DNAJC1: variants seen among roughly 807,000 people sequenced by gnomAD.
DNAJC1 encodes dnaJ homolog subfamily C member 1.
A neutral mutation model predicts 76.6 loss-of-function variants in DNAJC1; 58 were observed. The ratio of observed to expected loss-of-function variants is 0.76; its 90% CI spans 0.61 to 0.94. The LOEUF is 0.94. DNAJC1 is among the 40% of genes least tolerant of loss of function. DNAJC1 has a pLI of 0.00. For missense variants in DNAJC1, 689 were observed against 677.3 expected, an observed-to-expected ratio of 1.02 and a Z score of -0.19; for synonymous variants, 258 against 267.9, an observed-to-expected ratio of 0.96 and a Z score of 0.36.
At chr10:21,818,746 G>C (rs893323758) in intron 8 of DNAJC1, among the ~76,000 whole-genome samples, 4 of 152,146 alleles carry the variant, frequency 2.6e-5, no homozygotes. Flanking sequence ...AAATGAGTAA[G>C]ACCCAACTTT....
intron 3 of DNAJC1, among the ~76,000 whole-genome samples, chr10:21,923,285 A>C (rs1344517677): frequency 6.6e-6 from 1 of 151,994 alleles, no homozygotes; most frequent in South Asian, 2.1e-4. Flanking sequence ...AGCTTCCATT[A>C]TAGTTCATTT....
intron 8 of DNAJC1, among the ~76,000 whole-genome samples, chr10:21,875,346 C>T (rs1284832927): frequency 6.6e-6 from 1 of 152,076 alleles, no homozygotes; most frequent in Non-Finnish European, 1.5e-5. Flanking sequence ...TGTAGAGATG[C>T]AGTCTTCCTA....
chr10:21,868,696 G>A (rs185446603), intron 8 of DNAJC1, among the ~76,000 whole-genome samples: 1 of 151,888 alleles, frequency 6.6e-6, no homozygotes, highest in African/African-American at 2.4e-5. Context: ...GGTGAGTAGG[G>A]GATAGGTATG....
chr10:21,942,679 G>T (rs1837435543), intron 1 of DNAJC1, among the ~76,000 whole-genome samples: 1 of 151,670 alleles, frequency 6.6e-6, no homozygotes, highest in Admixed American at 6.6e-5. Flanking sequence ...GGCGGCGTGT[G>T]CCAGTAGTCC....
intron 8 of DNAJC1, among the ~76,000 whole-genome samples, chr10:21,867,024 A>G (rs151102053): frequency 1.3e-4 from 20 of 152,266 alleles, no homozygotes; most frequent in African/African-American, 4.3e-4. Flanking sequence ...TGCTGATCCT[A>G]GAGGGACATT....
intron 9 of DNAJC1, among the ~76,000 whole-genome samples, chr10:21,777,331 T>C (rs895227361): frequency 3.3e-5 from 5 of 152,180 alleles, no homozygotes; most frequent in Non-Finnish European, 4.4e-5. Context: ...ATAGGAGATA[T>C]AGAAAGAAAA....
At chr10:21,887,483 A>G (rs1481818044) in intron 7 of DNAJC1, among the ~76,000 whole-genome samples, 1 of 152,188 alleles carries the variant, frequency 6.6e-6, no homozygotes, top group Non-Finnish European at 1.5e-5. Context: ...CCTTACTTCA[A>G]ACAATACTAC....
At chr10:21,917,162 T>C (rs1262514503) in intron 6 of DNAJC1, among the ~76,000 whole-genome samples, 1 of 152,042 alleles carries the variant, frequency 6.6e-6, no homozygotes, top group Non-Finnish European at 1.5e-5. Flanking sequence ...CTAAAAAGTT[T>C]CTGTAAAATT....
At chr10:21,784,799 G>T (rs867540268) in intron 9 of DNAJC1, among the ~76,000 whole-genome samples, 6 of 151,862 alleles carry the variant, frequency 4.0e-5, no homozygotes, top group South Asian at 2.1e-4. Context: ...CTATCGCAAG[G>T]ACAGAAAACC....
chr10:21,865,119 A>G (rs1835977174), intron 8 of DNAJC1, among the ~76,000 whole-genome samples: 1 of 152,130 alleles, frequency 6.6e-6, no homozygotes, highest in South Asian at 2.1e-4. Flanking sequence ...TGCTGGTGGG[A>G]ATGTAAAAAT....
chr10:21,814,091 C>G (rs1835035817), intron 8 of DNAJC1, among the ~76,000 whole-genome samples: 1 of 152,184 alleles, frequency 6.6e-6, no homozygotes, highest in Admixed American at 6.5e-5. Context: ...CTTCCTCTTT[C>G]TGAATGAGGG....
chr10:21,983,284 A>G (rs1838187024), intron 1 of DNAJC1, among the ~76,000 whole-genome samples: 1 of 152,278 alleles, frequency 6.6e-6, no homozygotes, highest in Non-Finnish European at 1.5e-5. Flanking sequence ...GCCTTAAAAA[A>G]GAATGAAAAT....
chr10:21,844,964 C>T (rs1835631644), intron 8 of DNAJC1, among the ~76,000 whole-genome samples: 1 of 152,198 alleles, frequency 6.6e-6, no homozygotes, highest in Admixed American at 6.5e-5. Flanking sequence ...CAGGAGGTGC[C>T]ACTGCTTGGC....
At chr10:21,882,557 T>C (rs1791258219) in intron 7 of DNAJC1, 118 bp from the exon 8 acceptor site, 9 of 687,730 alleles carry the variant, frequency 1.3e-5, no homozygotes, top group Non-Finnish European at 2.0e-5. Context: ...TGTTCTGTTA[T>C]AAATAATTGG....
chr10:21,861,780 A>G (rs1388244287), intron 8 of DNAJC1, among the ~76,000 whole-genome samples: 1 of 152,136 alleles, frequency 6.6e-6, no homozygotes, highest in Non-Finnish European at 1.5e-5. Flanking sequence ...TGGTCTAGAA[A>G]GAGGAGGCAT....
chr10:21,824,601 G>C (rs1374325862), intron 8 of DNAJC1, among the ~76,000 whole-genome samples: 1 of 152,152 alleles, frequency 6.6e-6, no homozygotes, highest in Non-Finnish European at 1.5e-5. Context: ...GATGGACGGT[G>C]ATGGAAGTCT....
chr10:21,939,274 T>C (rs1048411252), intron 1 of DNAJC1, among the ~76,000 whole-genome samples: 2 of 152,242 alleles, frequency 1.3e-5, no homozygotes, highest in African/African-American at 4.8e-5. Context: ...ATAATCTACC[T>C]GGCTATCAGA....
intron 8 of DNAJC1, among the ~76,000 whole-genome samples, chr10:21,814,794 T>C (rs1296638650): frequency 6.6e-6 from 1 of 152,160 alleles, no homozygotes; most frequent in Non-Finnish European, 1.5e-5. Flanking sequence ...AATAGAATGC[T>C]AAATCCAGTG....
chr10:21,800,872 G>C (rs1337541346), intron 9 of DNAJC1, among the ~76,000 whole-genome samples: 2 of 140,976 alleles, frequency 1.4e-5, no homozygotes, highest in African/African-American at 3.2e-5. Context: ...TATGAACATA[G>C]AGTTTTATCA....
Sources: gnomAD v4.1 joint callset for allele counts (sites outside exome capture counted in the v4.1 genomes callset) on GRCh38, gnomAD v4.1.1 for gene constraint, MANE v1.5 for transcripts, NCBI Gene and HGNC (gene_info 2026-07-23, HGNC 2026-07-21) for gene names.